The following SLC15A5 variants were observed in gnomAD, a reference collection of about 807,000 sequenced individuals.
SLC15A5 encodes the protein Peptide/histidine transporter ENSP00000340402.
Under a neutral mutation model 56.1 loss-of-function variants are expected in SLC15A5, and 58 were observed. That is an observed-to-expected ratio of 1.03 (90% CI 0.84 to 1.29). The LOEUF (loss-of-function observed/expected upper bound fraction) is 1.29. SLC15A5 is among the 50% of genes most tolerant of loss of function. SLC15A5 has a pLI of 0.00. For missense variants in SLC15A5, 681 were observed against 672.1 expected, an observed-to-expected ratio of 1.01 and a Z score of -0.15; for synonymous variants, 264 against 250.5, an observed-to-expected ratio of 1.05 and a Z score of -0.51.
At chr12:16,230,499 C>G (rs1864285195) in intron 5 of SLC15A5, among the ~76,000 whole-genome samples, 1 of 152,150 alleles carries the variant, frequency 6.6e-6, no homozygotes, top group African/African-American at 2.4e-5. Context: ...TTGCTTTTGA[C>G]ATTACAGTAA....
chr12:16,200,347 T>C (rs184588522), intron 7 of SLC15A5, among the ~76,000 whole-genome samples: 1 of 151,950 alleles, frequency 6.6e-6, no homozygotes, highest in East Asian at 1.9e-4. Context: ...ACAATTCAAA[T>C]TGAAGATATG....
In SLC15A5 at chr12:16,277,529, C is replaced by A; in HGVS notation, c.157G>T (p.Glu53Ter). 1 of 1,536,470 alleles carries A rather than the reference C, an allele frequency of 6.5e-7. No individual in the cohort carries two copies. The highest frequency in any genetic ancestry group is 1.2e-5 in the South Asian group (1 of 84,040). Residue 53 changes from glutamate (E) to a stop codon, truncating the protein, a stop_gained, in exon 1 of 9, where the codon GAG (glutamate) becomes TAG (stop). Coordinates refer to ENST00000344941, the MANE Select transcript of SLC15A5 (RefSeq NM_001170798.1). LOFTEE classifies it high-confidence loss of function. ...ACGACTTCAAAGAACGTGAACCTCT[C>A]ACACAGCTCCACCAGAAGCAAGCAG... ...GICLLLVELC[E>*]RFTFFEVVCN... is the part of the protein sequence containing the mutation.
At chr12:16,192,024 A>C (rs1863842010) in intron 8 of SLC15A5, among the ~76,000 whole-genome samples, 1 of 152,130 alleles carries the variant, frequency 6.6e-6, no homozygotes, top group African/African-American at 2.4e-5. Flanking sequence ...ATAGTATAGA[A>C]GTGTAGAAGC....
chr12:16,251,787 T>G (rs1057211888), intron 3 of SLC15A5, among the ~76,000 whole-genome samples: 1 of 12,228 alleles, frequency 8.2e-5, no homozygotes, highest in Non-Finnish European at 1.5e-4. Context: ...TTCCAAAGAC[T>G]CTAAAAAGAG....
intron 3 of SLC15A5, among the ~76,000 whole-genome samples, chr12:16,256,869 AAT>A (rs1161752009): frequency 0.014 from 1,916 of 136,182 alleles, 70 homozygotes; most frequent in African/African-American, 0.051. Context: ...AAAAAAAAAA[AAT>A]AATAATAATA....
In SLC15A5 at chr12:16,243,727, C is replaced by T. The variant is rs75748860; in HGVS notation, c.975+853G>A. On this transcript the variant is annotated intron_variant, in intron 4 of 8. Coordinates refer to ENST00000344941, the MANE Select transcript of SLC15A5 (RefSeq NM_001170798.1). This position sits in a 1 kb window ranked among gnomAD's most constrained non-coding sequence, Gnocchi z 4.4. ...CCGCTTTCCCTTACACTACTATTAA[C>T]TGTGACCTACGGTGCCTCACCTCTA... 1.4e-3 allele frequency among the ~76,000 whole-genome samples: 214 copies of T among 152,274 alleles called. 6 individuals are homozygous for T. The East Asian group carries it at 0.027, about 19-fold the overall frequency.
chr12:16,224,562 A>G lies in SLC15A5; in HGVS notation c.1203T>C (p.Ala401=), dbSNP rs770694781. ...NLFAALSVMI[A]GFFEIHRKHF... ...GTTTTCGGTGTATTTCAAAGAAGCC[A>G]GCTATCATCACAGACAATGCAGCAA... The change falls in exon 6 of 9, where the codon GCT becomes GCC. Residue 401 remains alanine, a synonymous_variant. Transcript: ENST00000344941. The G allele has an allele frequency of 3.9e-6, 6 of 1,537,068 alleles. No homozygotes were observed. Among genetic ancestry groups the G allele is most frequent in the Non-Finnish European group, 5.2e-6 (6 of 1,146,870 alleles).
chr12:16,269,024 A>G lies in SLC15A5; in HGVS notation c.584+3537T>C, dbSNP rs566293690. On this transcript the variant is annotated intron_variant, in intron 2 of 8. Coordinates refer to ENST00000344941, the MANE Select transcript of SLC15A5 (RefSeq NM_001170798.1). This position sits in a 1 kb window ranked among gnomAD's most constrained non-coding sequence, Gnocchi z 4.7. Reference sequence around the variant, plus strand: ...CGAGAGCTCCTTTGCCCCTTCCACTATGTGAAGACACAGTGAGAAGCCAGC... The same window carrying G: ...CGAGAGCTCCTTTGCCCCTTCCACTGTGTGAAGACACAGTGAGAAGCCAGC... Among the ~76,000 whole-genome samples the G allele has an allele frequency of 2.0e-5, 3 of 151,732 alleles. No individual in the cohort carries two copies. Among genetic ancestry groups the G allele is most frequent in the Admixed American group, 6.6e-5 (1 of 15,210 alleles).
intron 7 of SLC15A5, among the ~76,000 whole-genome samples, chr12:16,205,513 T>G (rs1433322457): frequency 7.1e-6 from 1 of 141,082 alleles, no homozygotes; most frequent in Non-Finnish European, 1.5e-5. Context: ...ACCTAAATAT[T>G]CCATAAGAAG....
At chr12:16,189,884 C>T (rs1565653458) in intron 8 of SLC15A5, 69 bp from the exon 9 acceptor site, 6 of 1,215,450 alleles carry the variant, frequency 4.9e-6, no homozygotes, top group African/African-American at 1.5e-5. Flanking sequence ...ATTTGCTTCC[C>T]TCCTGCGCTT....
chr12:16,220,287 T>C (rs1864173080), intron 6 of SLC15A5, among the ~76,000 whole-genome samples: 1 of 152,206 alleles, frequency 6.6e-6, no homozygotes, highest in African/African-American at 2.4e-5. Flanking sequence ...TAGGACATTT[T>C]CCTCTTTTTC....
intron 2 of SLC15A5, among the ~76,000 whole-genome samples, chr12:16,266,929 G>A (rs1403995397): frequency 1.3e-5 from 2 of 152,102 alleles, no homozygotes; most frequent in Non-Finnish European, 2.9e-5. Flanking sequence ...TGATTGCATG[G>A]TATTGAATAC....
intron 7 of SLC15A5, among the ~76,000 whole-genome samples, chr12:16,213,488 C>T (rs1412839254): frequency 6.6e-6 from 1 of 152,066 alleles, no homozygotes; most frequent in African/African-American, 2.4e-5. Context: ...TGGACTTACT[C>T]TGTAGAACAT....
chr12:16,196,605 T>G lies in SLC15A5; in HGVS notation c.1484-2152A>C, dbSNP rs1863896579. Among the ~76,000 whole-genome samples the G allele has an allele frequency of 6.6e-6, 1 of 152,136 alleles. No homozygotes were observed. Among genetic ancestry groups the G allele is most frequent in the African/African-American group, 2.4e-5 (1 of 41,448 alleles). On this transcript the variant is annotated intron_variant, in intron 7 of 8. Transcript: ENST00000344941. The surrounding 1 kb of genome is among the most constrained non-coding windows in gnomAD (Gnocchi z 4.0). Reference sequence around the variant, plus strand: ...CAATTGTATTTCTGTCCTTTTCATTTCACATCAGCACTTTGCATGTCATGC... The same window carrying G: ...CAATTGTATTTCTGTCCTTTTCATTGCACATCAGCACTTTGCATGTCATGC...
intron 5 of SLC15A5, among the ~76,000 whole-genome samples, chr12:16,234,117 C>T (rs1486506163): frequency 1.3e-5 from 2 of 152,258 alleles, no homozygotes; most frequent in Non-Finnish European, 2.9e-5. Flanking sequence ...CTGGGGAGGG[C>T]TGCTTTCTGC....
intron 7 of SLC15A5, among the ~76,000 whole-genome samples, chr12:16,202,771 T>C (rs900497793): frequency 6.6e-6 from 1 of 152,170 alleles, no homozygotes; most frequent in African/African-American, 2.4e-5. Flanking sequence ...CACAATGGAA[T>C]ATTCAGCCTT....
At chr12:16,268,872 C>T (rs1864720639) in intron 2 of SLC15A5, among the ~76,000 whole-genome samples, 1 of 152,010 alleles carries the variant, frequency 6.6e-6, no homozygotes, top group Non-Finnish European at 1.5e-5. Flanking sequence ...GAAATCTTAA[C>T]TTGGTATTAG....
At chr12:16,201,730 A>G (rs1248428987) in intron 7 of SLC15A5, among the ~76,000 whole-genome samples, 9 of 152,110 alleles carry the variant, frequency 5.9e-5, no homozygotes, top group Admixed American at 5.9e-4. Context: ...CTTTCACCAC[A>G]ATTGTAAGCT....
intron 8 of SLC15A5, among the ~76,000 whole-genome samples, chr12:16,193,973 A>G (rs1863869611): frequency 2.6e-5 from 4 of 152,020 alleles, no homozygotes; most frequent in Non-Finnish European, 5.9e-5. Flanking sequence ...TAAAAGCCTG[A>G]ATAGGATCCA....
Sources: allele counts gnomAD v4.1 joint callset (sites outside exome capture counted in the v4.1 genomes callset), GRCh38; gene constraint gnomAD v4.1.1; non-coding constraint Gnocchi (gnomAD v3.1); transcripts MANE v1.5; gene names NCBI Gene and HGNC (gene_info 2026-07-23, HGNC 2026-07-21).